Variants in MYO10 observed in about 807,000 individuals in gnomAD.
MYO10 encodes the protein myosin X.
In MYO10, 133 loss-of-function variants were observed where a neutral mutation model predicts 257.3. The observed-to-expected ratio is 0.52, with a 90% CI of 0.45 to 0.60. The LOEUF (loss-of-function observed/expected upper bound fraction) is 0.60. MYO10 is among the 20% of genes least tolerant of loss of function. The pLI is 0.00. For synonymous variants in MYO10, 1,104 were observed against 1,028.6 expected (o/e 1.07, Z -1.40); for missense variants, 2,399 against 2,635.7 (o/e 0.91, Z 1.97).
chr5:16,670,892 C>T lies in MYO10; in HGVS notation c.5517G>A (p.Gln1839=). 6.2e-7 allele frequency: 1 copy of T among 1,613,946 alleles called. No homozygotes were observed. The highest frequency in any genetic ancestry group is 1.7e-5 in the Admixed American group (1 of 60,008). Residue 1839 remains glutamine (Q), a synonymous_variant, in exon 39 of 41, where the codon CAG becomes CAA. Coordinates refer to ENST00000513610, the MANE Select transcript of MYO10 (RefSeq NM_012334.3). ...TGGCAGCGTGCAGAGTATAATCCCC[C>T]TGCAGATACTGGAGTCGCAGGGCAG... is the stretch of plus-strand genomic sequence containing the variant. ...VLAALRLQYL[Q]GDYTLHAAIP... is the part of the protein sequence containing the mutation.
chr5:16,742,070 C>T (rs1029269234), intron 19 of MYO10: 12 of 985,316 alleles, frequency 1.2e-5, no homozygotes, highest in East Asian at 2.3e-4. Context: ...CCATCATGCA[C>T]GCATCAACAA....
intron 40 of MYO10, among the ~76,000 whole-genome samples, chr5:16,667,351 C>T (rs905450475): frequency 1.3e-5 from 2 of 152,154 alleles, no homozygotes; most frequent in Non-Finnish European, 2.9e-5. Context: ...ATGATGTCCC[C>T]GTCATTGCCA....
intron 1 of MYO10, 40 bp from the exon 2 acceptor site, chr5:16,877,747 G>T (rs1257181337): frequency 2.6e-6 from 4 of 1,512,164 alleles, no homozygotes; most frequent in Non-Finnish European, 3.7e-6. Flanking sequence ...AGTTTGGATT[G>T]CATTTTGTGG....
chr5:16,846,612 A>C (rs2126731735), intron 2 of MYO10, among the ~76,000 whole-genome samples: 1 of 152,328 alleles, frequency 6.6e-6, no homozygotes, highest in South Asian at 2.1e-4. Context: ...CATAATTAGC[A>C]TGTTTGGTAG....
At position 16,880,402 on chromosome 5, in the gene MYO10, T is replaced by G. The variant is rs1247964148; in HGVS notation, c.22-2695A>C. Among the ~76,000 whole-genome samples, 614 of 151,754 alleles carry G rather than the reference T, an allele frequency of 4.0e-3. 11 individuals are homozygous for G. The highest frequency in any genetic ancestry group is 0.014 in the African/African-American group (589 of 41,244). On this transcript the variant is annotated intron_variant, in intron 1 of 40. Coordinates refer to ENST00000513610, the MANE Select transcript of MYO10 (RefSeq NM_012334.3). ...TTTCCCCACTGACCAACTCACAGAG[T>G]TCCCCGGAGAGTTATACGACTCTCC... is the stretch of plus-strand genomic sequence containing the variant.
At chr5:16,750,607 T>G (rs1348901758) in intron 19 of MYO10, among the ~76,000 whole-genome samples, 1 of 152,214 alleles carries the variant, frequency 6.6e-6, no homozygotes, top group Non-Finnish European at 1.5e-5. Context: ...CAAAAGCAGC[T>G]ACAGGTGTTT....
intron 19 of MYO10, among the ~76,000 whole-genome samples, chr5:16,740,614 C>T (rs1184745763): frequency 2.6e-5 from 4 of 152,114 alleles, no homozygotes; most frequent in Non-Finnish European, 4.4e-5. Context: ...ACCACCTTCC[C>T]GTACATATCC....
At chr5:16,883,881 T>G (rs937584350) in intron 1 of MYO10, among the ~76,000 whole-genome samples, 1 of 152,164 alleles carries the variant, frequency 6.6e-6, no homozygotes, top group Non-Finnish European at 1.5e-5. Flanking sequence ...TAAATACCAT[T>G]CTGTACAGCA....
In MYO10 at chr5:16,818,138, G is replaced by A. The variant is rs1561000517; in HGVS notation, c.150C>T (p.Thr50=). The A allele has an allele frequency of 1.2e-6, 2 of 1,601,138 alleles. No individual in the cohort carries two copies. The highest frequency in any genetic ancestry group is 1.7e-6 in the Non-Finnish European group (2 of 1,170,640). The change falls in exon 3 of 41, where the codon ACC becomes ACT. Residue 50 remains threonine (T), a synonymous_variant. Coordinates refer to ENST00000513610, the MANE Select transcript of MYO10 (RefSeq NM_012334.3). ...GGTGCATAGCAGTCACCTTCTGGTG[G>A]GTAATTGTGCTCTGCTTGTAAGTGA... ...QVFTYKQSTI[T]HQKVTAMHPT... is the part of the protein sequence containing the mutation.
intron 19 of MYO10, among the ~76,000 whole-genome samples, chr5:16,729,748 G>A (rs978778302): frequency 6.6e-6 from 1 of 152,062 alleles, no homozygotes; most frequent in African/African-American, 2.4e-5. Context: ...CCAGCCTAAA[G>A]TTTTATTTTC....
chr5:16,668,606 G>A, intron 39 of MYO10, 138 bp from the exon 40 acceptor site: 2 of 595,896 alleles, frequency 3.4e-6, no homozygotes, highest in Non-Finnish European at 5.3e-6. Context: ...ATGCATGGAG[G>A]GGCCTGAAAT....
At chr5:16,813,045 G>C (rs1742490489) in intron 3 of MYO10, among the ~76,000 whole-genome samples, 1 of 151,948 alleles carries the variant, frequency 6.6e-6, no homozygotes, top group South Asian at 2.1e-4. Flanking sequence ...CAGTCCCCAA[G>C]GAGAAAAAGC....
intron 26 of MYO10, among the ~76,000 whole-genome samples, chr5:16,695,188 G>T (rs1737685332): frequency 6.6e-6 from 1 of 152,122 alleles, no homozygotes; most frequent in Non-Finnish European, 1.5e-5. Context: ...ACAAAAATTA[G>T]CCGGGTATGG....
chr5:16,901,131 C>G (rs1745366256), intron 1 of MYO10, among the ~76,000 whole-genome samples: 1 of 152,092 alleles, frequency 6.6e-6, no homozygotes. Flanking sequence ...TTGTCTCAGC[C>G]CCCCTCTCCC....
At chr5:16,772,387 C>A (rs961229805) in intron 9 of MYO10, among the ~76,000 whole-genome samples, 1 of 152,054 alleles carries the variant, frequency 6.6e-6, no homozygotes, top group African/African-American at 2.4e-5. Flanking sequence ...CCCGCCTTGG[C>A]CTCCCAAAGT....
At chr5:16,838,280 T>A (rs907904691) in intron 2 of MYO10, among the ~76,000 whole-genome samples, 1 of 152,002 alleles carries the variant, frequency 6.6e-6, no homozygotes, top group Non-Finnish European at 1.5e-5. Flanking sequence ...TGAAGGAAAA[T>A]TTCTTGAAGG....
At chr5:16,673,219 G>A (rs183896996) in intron 36 of MYO10, among the ~76,000 whole-genome samples, 1 of 151,766 alleles carries the variant, frequency 6.6e-6, no homozygotes, top group Non-Finnish European at 1.5e-5. Flanking sequence ...AGAAGCCTTG[G>A]GGGGTGGGGG....
Position 16,794,525 on chromosome 5 carries a change from G to A in MYO10, c.467+121C>T, listed in dbSNP as rs570773282. On this transcript the variant is annotated intron_variant, in intron 4 of 40. Transcript: ENST00000513610. ...GCCATTCAAAACAGAAAACTCTGTCGGAGAAACTCAGGCGGTTGTAAAAGC... is the reference window on the plus strand; with the variant it reads ...GCCATTCAAAACAGAAAACTCTGTCAGAGAAACTCAGGCGGTTGTAAAAGC... 1.4e-5 allele frequency: 13 copies of A among 944,110 alleles called. No individual in the cohort carries two copies. The South Asian group carries it at 1.6e-4, about 12-fold the overall frequency. The allele number at this position is 944,110 out of a possible 1,614,324, so 58.5% of individuals were successfully genotyped here.
chr5:16,807,592 G>A (rs953187835), intron 3 of MYO10, among the ~76,000 whole-genome samples: 1 of 151,710 alleles, frequency 6.6e-6, no homozygotes, highest in Non-Finnish European at 1.5e-5. Context: ...CATTGCTCTC[G>A]ACCGCCTTGC....
Sources: allele counts gnomAD v4.1 joint callset (sites outside exome capture counted in the v4.1 genomes callset), GRCh38; gene constraint gnomAD v4.1.1; transcripts MANE v1.5; gene names NCBI Gene and HGNC (gene_info 2026-07-23, HGNC 2026-07-21).